The following AKAP9 variants were observed in gnomAD, a reference collection of about 807,000 sequenced individuals.
AKAP9 encodes A-kinase anchor protein 9.
Under a neutral mutation model 488.5 loss-of-function variants are expected in AKAP9, and 311 were observed. The ratio of observed to expected loss-of-function variants is 0.64; its 90% CI spans 0.58 to 0.70. AKAP9 has a LOEUF of 0.70. AKAP9 is among the 30% of genes least tolerant of loss of function. AKAP9 has a pLI of 0.00. For synonymous variants in AKAP9, 1,462 were observed against 1,483.5 expected, an observed-to-expected ratio of 0.99 and a Z score of 0.33; for missense variants, 4,215 against 4,374.5, an observed-to-expected ratio of 0.96 and a Z score of 1.03.
intron 1 of AKAP9, among the ~76,000 whole-genome samples, chr7:91,945,175 A>G (rs971144910): frequency 2.6e-5 from 4 of 152,110 alleles, no homozygotes; most frequent in African/African-American, 9.7e-5. Context: ...AGCCTGGGCA[A>G]TGTAGTGAGA....
At chr7:91,998,487 A>G (rs1798707240) in intron 7 of AKAP9, among the ~76,000 whole-genome samples, 1 of 124,684 alleles carries the variant, frequency 8.0e-6, no homozygotes, top group Non-Finnish European at 1.6e-5. Context: ...AAAACCATGT[A>G]CTTTGAAATA....
Position 92,002,126 on chromosome 7 carries a change from GA to G in AKAP9, c.2213del (p.Lys738ArgfsTer18). 1.3e-6 allele frequency: 2 copies of G among 1,592,358 alleles called. No individual in the cohort carries two copies. Among genetic ancestry groups the G allele is most frequent in the Admixed American group, 1.8e-5 (1 of 54,598 alleles). ...EIEILRQEEKEKGTLEQEVQE... is the reference protein window; with the variant it reads ...EIEILRQEEKXKGTLEQEVQE... ...TGAAATACTCAGACAAGAAGAAAAAGAAAAGGGTACACTTGAACAAGAAGTT... is the reference window on the plus strand; with the variant it reads ...TGAAATACTCAGACAAGAAGAAAAAGAAAGGGTACACTTGAACAAGAAGTT... On this transcript the variant is annotated frameshift_variant, in exon 8 of 50. Transcript: ENST00000356239. LOFTEE classifies it high-confidence loss of function.
At position 91,973,961 on chromosome 7, in the gene AKAP9, C is replaced by G. The variant is rs748046768; in HGVS notation, c.299C>G (p.Ser100Cys). 1.9e-6 allele frequency: 3 copies of G among 1,613,898 alleles called. No homozygotes were observed. Among genetic ancestry groups the G allele is most frequent in the Non-Finnish European group, 2.5e-6 (3 of 1,179,944 alleles). The part of the protein sequence containing the change: ...GEITSHEQGF[S>C]VELESEISTT... ...ATAACCAGTCATGAGCAGGGCTTCT[C>G]TGTGGAAGTAAGTATTCTCCCAGAT... The change falls in exon 2 of 50, where the codon TCT (serine) becomes TGT (cysteine). Residue 100 changes from serine to cysteine, a missense_variant. Transcript: ENST00000356239.
intron 10 of AKAP9, among the ~76,000 whole-genome samples, chr7:92,014,987 C>T (rs1562983919): frequency 6.6e-6 from 1 of 152,096 alleles, no homozygotes; most frequent in Non-Finnish European, 1.5e-5. Context: ...GTTTCTTTGT[C>T]TGTAAATTGG....
intron 2 of AKAP9, among the ~76,000 whole-genome samples, chr7:91,977,004 A>G (rs764740405): frequency 6.6e-5 from 10 of 152,096 alleles, no homozygotes; most frequent in Non-Finnish European, 1.2e-4. Context: ...CATATCTGTA[A>G]TCCCAGCACT....
At chr7:92,015,933 A>G (rs549130997) in intron 10 of AKAP9, among the ~76,000 whole-genome samples, 196 bp from the exon 11 acceptor site, 4 of 152,328 alleles carry the variant, frequency 2.6e-5, no homozygotes, top group Admixed American at 2.0e-4. Context: ...TCTTCCTGAT[A>G]TAAGAAGATT....
chr7:92,021,066 T>C (rs1297666022), intron 12 of AKAP9, among the ~76,000 whole-genome samples: 1 of 152,210 alleles, frequency 6.6e-6, no homozygotes, highest in Non-Finnish European at 1.5e-5. Context: ...CTCAAGAAGA[T>C]CATTGTCAAT....
intron 9 of AKAP9, among the ~76,000 whole-genome samples, chr7:92,012,954 A>G (rs979455294): frequency 3.4e-4 from 47 of 139,154 alleles, no homozygotes; most frequent in Non-Finnish European, 4.9e-4. Flanking sequence ...GTGAGGTGGT[A>G]GACAGTGGTG....
At chr7:92,091,097 T>C (rs1815477404) in intron 38 of AKAP9, among the ~76,000 whole-genome samples, 1 of 152,220 alleles carries the variant, frequency 6.6e-6, no homozygotes, top group Non-Finnish European at 1.5e-5. Context: ...GTTTAGGTAC[T>C]TTTTGATAAC....
At chr7:91,980,495 C>CTTTTTTTTTTTTTTTTTTTTTTTTTT (rs60385804) in intron 3 of AKAP9, among the ~76,000 whole-genome samples, 162 bp downstream of exon 3, 2 of 48,756 alleles carry the variant, frequency 4.1e-5, no homozygotes, top group Non-Finnish European at 6.6e-5. Context: ...GTATTACTGA[C>CTTTTTTTTTTTTTTTTTTTTTTTTTT]TTTTTTTTTT....
intron 37 of AKAP9, among the ~76,000 whole-genome samples, chr7:92,088,316 A>G (rs1189610816): frequency 6.6e-6 from 1 of 152,190 alleles, no homozygotes; most frequent in Non-Finnish European, 1.5e-5. Flanking sequence ...GACCAAAACA[A>G]ATTGAGAACA....
At chr7:92,087,348 A>G (rs888959991) in intron 37 of AKAP9, among the ~76,000 whole-genome samples, 1 of 152,244 alleles carries the variant, frequency 6.6e-6, no homozygotes, top group Non-Finnish European at 1.5e-5. Context: ...AAAATGATAA[A>G]GCACACATTT....
intron 46 of AKAP9, among the ~76,000 whole-genome samples, chr7:92,103,545 A>T (rs922986402): frequency 6.6e-6 from 1 of 151,538 alleles, no homozygotes; most frequent in Non-Finnish European, 1.5e-5. Flanking sequence ...GTACAAAAAA[A>T]TTAGCCAGGC....
At chr7:92,102,479 TACTACTACTACC>T (rs1817722024) in intron 45 of AKAP9, 103 bp from the exon 46 acceptor site, 12 of 724,924 alleles carry the variant, frequency 1.7e-5, no homozygotes, top group South Asian at 4.7e-5. Flanking sequence ...CTACTACTAC[TACTACTACTACC>T]ACCACCACCA....
intron 15 of AKAP9, among the ~76,000 whole-genome samples, 194 bp from the exon 16 acceptor site, chr7:92,031,318 G>A (rs1363802716): frequency 6.6e-6 from 1 of 152,128 alleles, no homozygotes; most frequent in Non-Finnish European, 1.5e-5. Flanking sequence ...GTTCACGGTA[G>A]TGAGTATAAT....
At chr7:92,032,448 A>T (rs1804418374) in intron 16 of AKAP9, among the ~76,000 whole-genome samples, 1 of 151,440 alleles carries the variant, frequency 6.6e-6, no homozygotes, top group Non-Finnish European at 1.5e-5. Context: ...GTGAGCTGAG[A>T]TCGCACCATT....
chr7:92,016,344 T>TAAATC, intron 11 of AKAP9, 77 bp downstream of exon 11: 2 of 1,094,616 alleles, frequency 1.8e-6, no homozygotes, highest in Non-Finnish European at 2.6e-6. Context: ...TACTTTTGAT[T>TAAATC]ATGATTTAAT....
In AKAP9 at chr7:92,016,264, C is replaced by A; in HGVS notation, c.3748C>A (p.Gln1250Lys). The A allele has an allele frequency of 6.5e-7, 1 of 1,529,096 alleles. No individual in the cohort carries two copies. The highest frequency in any genetic ancestry group is 9.0e-7 in the Non-Finnish European group (1 of 1,107,986). The allele number at this position is 1,529,096 out of a possible 1,614,324, so 94.7% of individuals were successfully genotyped here. A position where few individuals can be genotyped will look rare whatever the true frequency, so the allele number is the denominator to read the frequency against. ...PELQDYRYEVQDFQENMHTLL... is the reference protein window; with the variant it reads ...PELQDYRYEVKDFQENMHTLL... ...ATTACAAGATTATAGATATGAAGTT[C>A]AAGGTAATAAAAGCTTACCATACTA... Residue 1250 changes from glutamine (Q) to lysine (K), a missense_variant, in exon 11 of 50, where the codon CAA becomes AAA. Gln to Lys is a moderately conservative substitution (Grantham distance 53). Transcript: ENST00000356239.
At chr7:91,998,811 T>C (rs774265085) in intron 7 of AKAP9, among the ~76,000 whole-genome samples, 4 of 152,194 alleles carry the variant, frequency 2.6e-5, no homozygotes, top group Non-Finnish European at 4.4e-5. Context: ...ATTACACTCG[T>C]ATATATTAAT....
Sources: gnomAD v4.1 joint callset for allele counts (sites outside exome capture counted in the v4.1 genomes callset) on GRCh38, gnomAD v4.1.1 for gene constraint, MANE v1.5 for transcripts, NCBI Gene and HGNC (gene_info 2026-07-23, HGNC 2026-07-21) for gene names.